The following ZIM2 variants were observed in gnomAD, a reference collection of about 807,000 sequenced individuals.
ZIM2 encodes zinc finger protein 656.
A neutral mutation model predicts 38.6 loss-of-function variants in ZIM2; 14 were observed. The ratio of observed to expected loss-of-function variants is 0.36; its 90% CI spans 0.24 to 0.57. The LOEUF (loss-of-function observed/expected upper bound fraction) is 0.57. ZIM2 is among the 20% of genes least tolerant of loss of function. ZIM2 has a pLI of 0.81. For synonymous variants in ZIM2, 247 were observed against 245.8 expected, an observed-to-expected ratio of 1.00 and a Z score of -0.04; for missense variants, 680 against 695.1, an observed-to-expected ratio of 0.98 and a Z score of 0.24.
At chr19:56,808,589 TC>T (rs59588868) in intron 9 of ZIM2, among the ~76,000 whole-genome samples, 3,186 of 152,254 alleles carry the variant, frequency 0.021, 114 homozygotes, top group African/African-American at 0.072. Context: ...TCTTCATCAC[TC>T]CTGCCTTTCT....
At chr19:56,789,768 CTT>C in intron 10 of ZIM2, 102 bp downstream of exon 10, 1 of 1,022,696 alleles carries the variant, frequency 9.8e-7, no homozygotes. Context: ...TATATAAAAA[CTT>C]AATGGAAATG....
chr19:56,784,155 T>C (rs1489244067), intron 10 of ZIM2, among the ~76,000 whole-genome samples: 7 of 152,218 alleles, frequency 4.6e-5, no homozygotes, highest in Non-Finnish European at 1.0e-4. Context: ...GGTCTTAACC[T>C]GGCAATCACA....
At chr19:56,785,289 A>T (rs532753226) in intron 10 of ZIM2, among the ~76,000 whole-genome samples, 3 of 152,240 alleles carry the variant, frequency 2.0e-5, no homozygotes, top group Non-Finnish European at 2.9e-5. Flanking sequence ...CTTTGCTTGG[A>T]ATCCCTGGCA....
chr19:56,821,530 C>T, intron 7 of ZIM2, 121 bp downstream of exon 7: 1 of 1,241,164 alleles, frequency 8.1e-7, no homozygotes, highest in Non-Finnish European at 1.1e-6. Context: ...TCCTGGAGCG[C>T]TGGGACTCTC....
At chr19:56,810,250 C>T (rs184965266) in intron 9 of ZIM2, 1 of 983,554 alleles carries the variant, frequency 1.0e-6, no homozygotes, top group African/African-American at 1.7e-5. Flanking sequence ...TTCTACATTT[C>T]TGTAACTTCA....
At chr19:56,798,734 G>GC (rs1190789357) in intron 9 of ZIM2, 1 of 151,856 alleles carries the variant, frequency 6.6e-6, no homozygotes, top group Non-Finnish European at 1.5e-5. Flanking sequence ...CTAATATTCA[G>GC]CATCTACAAG....
intron 9 of ZIM2, chr19:56,812,184 A>G: frequency 2.0e-6 from 2 of 980,044 alleles, no homozygotes; most frequent in Non-Finnish European, 2.4e-6. Context: ...ATTTCTTAAT[A>G]TAGTTATTAT....
intron 2 of ZIM2, among the ~76,000 whole-genome samples, chr19:56,827,698 T>C (rs745383167): frequency 5.9e-5 from 9 of 152,204 alleles, no homozygotes; most frequent in Non-Finnish European, 1.2e-4. Flanking sequence ...TGAAGTGTTG[T>C]TAATAGACAA....
At chr19:56,803,565 A>C (rs2047623717) in intron 9 of ZIM2, among the ~76,000 whole-genome samples, 1 of 152,216 alleles carries the variant, frequency 6.6e-6, no homozygotes, top group Non-Finnish European at 1.5e-5. Flanking sequence ...CGTGTATTCC[A>C]TCTTACACCC....
chr19:56,781,982 A>G lies in ZIM2; in HGVS notation c.710T>C (p.Leu237Pro). The G allele has an allele frequency of 6.2e-7, 1 of 1,613,802 alleles. No individual in the cohort carries two copies. Among genetic ancestry groups the G allele is most frequent in the Non-Finnish European group, 8.5e-7 (1 of 1,179,826 alleles). ...GGAGACCAGGTTCCGGTAATTCTCC[A>G]GCATCACCTCCCTGTAGAGGTTTCT... ...AQRNLYREVMLENYRNLVSLG... is the reference protein window; with the variant it reads ...AQRNLYREVMPENYRNLVSLG... The change falls in exon 11 of 13, where the codon CTG becomes CCG. Residue 237 changes from leucine (L) to proline (P), a missense_variant. Physicochemically the swap from Leu to Pro is moderately conservative, Grantham distance 98 (BLOSUM62 -3). Transcript: ENST00000629319.
intron 9 of ZIM2, chr19:56,815,988 A>G: frequency 6.3e-7 from 1 of 1,584,934 alleles, no homozygotes; most frequent in South Asian, 1.2e-5. Flanking sequence ...CTCCAGCACG[A>G]ACTCTCTGAT....
At chr19:56,835,914 G>T (rs1266761379) in intron 2 of ZIM2, 104 bp downstream of exon 2, 1 of 434,666 alleles carries the variant, frequency 2.3e-6, no homozygotes, top group Non-Finnish European at 4.7e-6. Context: ...TGGTGCTGGG[G>T]TGGCTATGTG....
At position 56,823,654 on chromosome 19, in the gene ZIM2, G is replaced by A. The variant is rs1860565; in HGVS notation, c.42C>T (p.Ser14=). Reference sequence around the variant, plus strand: ...TTCTGTTCCGGGTCATGTCGTCGTCGCTGGTCACGTCACTGTTGTTGTCGT... The same window carrying A: ...TTCTGTTCCGGGTCATGTCGTCGTCACTGGTCACGTCACTGTTGTTGTCGT... ...PEDDNNSDVT[S]DDDMTRNRRE... The change falls in exon 5 of 13, where the codon AGC becomes AGT. Residue 14 remains serine, a synonymous_variant. Transcript: ENST00000629319. The A allele has an allele frequency of 0.28, 451,044 of 1,613,794 alleles. 66,191 individuals are homozygous for A. The highest frequency in any genetic ancestry group is 0.39 in the Admixed American group (23,694 of 59,996).
chr19:56,822,836 C>A lies in ZIM2; in HGVS notation c.107G>T (p.Gly36Val). The change falls in exon 6 of 13, where the codon GGT (glycine) becomes GTT (valine). Residue 36 changes from glycine (G) to valine (V), a missense_variant and splice_region_variant. Physicochemically the swap from Gly to Val is moderately radical, Grantham distance 109. Coordinates refer to ENST00000629319, the MANE Select transcript of ZIM2 (RefSeq NM_001387356.1). ...GCCCCTCCGGTCCCAGTCCCGGTCA[C>A]CTAAGCAGGTGAGACATTCCAGTGG... is the stretch of plus-strand genomic sequence containing the variant. ...SPPHSVHSFSGDRDWDRRGRS... is the reference protein window; with the variant it reads ...SPPHSVHSFSVDRDWDRRGRS... 1 of 1,613,264 alleles carries A rather than the reference C, an allele frequency of 6.2e-7. No homozygotes were observed. The highest frequency in any genetic ancestry group is 1.7e-5 in the Admixed American group (1 of 59,938).
At chr19:56,818,296 C>T (rs2060168529) in intron 8 of ZIM2, among the ~76,000 whole-genome samples, 1 of 152,134 alleles carries the variant, frequency 6.6e-6, no homozygotes, top group Non-Finnish European at 1.5e-5. Flanking sequence ...GGATCCCATC[C>T]TGAATGTCTA....
intron 9 of ZIM2, 96 bp from the exon 10 acceptor site, chr19:56,790,047 T>C (rs1321383961): frequency 9.8e-7 from 1 of 1,023,764 alleles, no homozygotes. Context: ...TGTCCTGCCA[T>C]GGGAAGGAAC....
intron 9 of ZIM2, among the ~76,000 whole-genome samples, chr19:56,800,934 CTTTT>C (rs776316373): frequency 2.2e-5 from 3 of 135,994 alleles, no homozygotes; most frequent in East Asian, 2.1e-4. Flanking sequence ...GATGGTATTA[CTTTT>C]TTTTTTTTTT....
intron 1 of ZIM2, among the ~76,000 whole-genome samples, chr19:56,838,661 TA>T (rs1203060722): frequency 6.6e-6 from 1 of 152,188 alleles, no homozygotes; most frequent in East Asian, 1.9e-4. Flanking sequence ...ACCCTGTCCT[TA>T]AGCATAAATG....
At chr19:56,826,636 G>C in intron 2 of ZIM2, among the ~76,000 whole-genome samples, 173 bp from the exon 3 acceptor site, 1 of 152,150 alleles carries the variant, frequency 6.6e-6, no homozygotes, top group East Asian at 1.9e-4. Context: ...TGCCAGACAG[G>C]AGAAATAAAA....
Sources: allele counts gnomAD v4.1 joint callset (sites outside exome capture counted in the v4.1 genomes callset), GRCh38; gene constraint gnomAD v4.1.1; transcripts MANE v1.5; gene names NCBI Gene and HGNC (gene_info 2026-07-23, HGNC 2026-07-21).